CUL4A: variants seen among roughly 807,000 people sequenced by gnomAD.
CUL4A encodes cullin-4A.
In CUL4A, 16 loss-of-function variants were observed where a neutral mutation model predicts 95.5. The ratio of observed to expected loss-of-function variants is 0.17; its 90% CI spans 0.11 to 0.25. The LOEUF (loss-of-function observed/expected upper bound fraction) is 0.25. Among genes scored for constraint, CUL4A ranks in the 10% least tolerant of loss-of-function variants. The probability of loss-of-function intolerance (pLI) is 1.00; values close to 1 mark genes in which losing one functional copy is unlikely to be tolerated. For missense variants in CUL4A, 610 were observed against 937.0 expected, an observed-to-expected ratio of 0.65 and a Z score of 4.56; for synonymous variants, 380 against 353.1, an observed-to-expected ratio of 1.08 and a Z score of -0.85.
chr13:113,253,153 A>G lies in CUL4A; in HGVS notation c.1710A>G (p.Gln570=). 6.2e-7 allele frequency: 1 copy of G among 1,607,270 alleles called. No homozygotes were observed. The highest frequency in any genetic ancestry group is 8.5e-7 in the Non-Finnish European group (1 of 1,176,106). The change falls in exon 16 of 20, where the codon CAA becomes CAG. Residue 570 remains glutamine (Q), a synonymous_variant. Coordinates refer to ENST00000375440, the MANE Select transcript of CUL4A (RefSeq NM_001008895.4). ...GKHSGRKLQW[Q]TTLGHAVLKA... ...ACAGTGGTCGAAAACTTCAGTGGCA[A>G]ACTACTTTGGGACATGCTGTTTTAA...
chr13:113,215,756 CGCTGTGTG>C (rs2040650848), intron 2 of CUL4A, among the ~76,000 whole-genome samples: 1 of 89,766 alleles, frequency 1.1e-5, no homozygotes, highest in Admixed American at 1.4e-4. Context: ...CTGTAGAGGT[CGCTGTGTG>C]ACTATGGAGG....
At chr13:113,257,663 C>T (rs115619092) in intron 18 of CUL4A, among the ~76,000 whole-genome samples, 1,491 of 145,778 alleles carry the variant, frequency 0.01, 27 homozygotes, top group African/African-American at 0.035. Context: ...CCGGTCCCAT[C>T]TCCAACACTG....
At chr13:113,242,581 G>C (rs1274736179) in intron 10 of CUL4A, among the ~76,000 whole-genome samples, 1 of 152,108 alleles carries the variant, frequency 6.6e-6, no homozygotes, top group Non-Finnish European at 1.5e-5. Context: ...CTTGAGGCCA[G>C]GAGTTCGAGA....
At chr13:113,210,344 T>C (rs763995837) in intron 2 of CUL4A, among the ~76,000 whole-genome samples, 1 of 152,228 alleles carries the variant, frequency 6.6e-6, no homozygotes, top group Admixed American at 6.5e-5. Flanking sequence ...GGAGGTGTGT[T>C]TCTAGGAGCC....
At chr13:113,231,771 C>T (rs2041318306) in intron 5 of CUL4A, among the ~76,000 whole-genome samples, 2 of 152,180 alleles carry the variant, frequency 1.3e-5, no homozygotes, top group South Asian at 4.1e-4. Flanking sequence ...GCCACTGCAC[C>T]TTCCTGCTCC....
At chr13:113,247,586 G>T (rs1428594215) in intron 15 of CUL4A, among the ~76,000 whole-genome samples, 1 of 152,172 alleles carries the variant, frequency 6.6e-6, no homozygotes, top group African/African-American at 2.4e-5. Flanking sequence ...CCTGCCTTGG[G>T]GAAGAAGAGT....
chr13:113,228,069 A>C, intron 4 of CUL4A, 24 bp downstream of exon 4: 1 of 1,565,868 alleles, frequency 6.4e-7, no homozygotes, highest in Non-Finnish European at 8.8e-7. Context: ...CTTTTTCATC[A>C]AAACACGACC....
chr13:113,232,035 GCTGCCACCACTACCCGCCCACCACCATTA>G lies in CUL4A; in HGVS notation c.513-1138_513-1110del, dbSNP rs1566342745. Among the ~76,000 whole-genome samples the G allele has an allele frequency of 7.1e-5, 5 of 70,710 alleles. No individual in the cohort carries two copies. The East Asian group carries it at 1.9e-3, about 27-fold the overall frequency. 46.4% of individuals were successfully genotyped at this position (70,710 alleles called of 152,430 possible). ...TGCCACCACCACCACCACCATTACT[GCTGCCACCACTACCCGCCCACCACCATTA>G]CTGTCACCACTACCCGCCCACCACC... On this transcript the variant is annotated intron_variant, in intron 5 of 19. Coordinates refer to ENST00000375440, the MANE Select transcript of CUL4A (RefSeq NM_001008895.4).
chr13:113,229,327 T>C, intron 4 of CUL4A, 119 bp from the exon 5 acceptor site: 2 of 741,888 alleles, frequency 2.7e-6, no homozygotes. Flanking sequence ...ACATGAGGGC[T>C]GTGGTGGACA....
chr13:113,248,520 C>T (rs977455890), intron 15 of CUL4A, among the ~76,000 whole-genome samples: 6 of 151,930 alleles, frequency 3.9e-5, no homozygotes, highest in African/African-American at 1.5e-4. Flanking sequence ...TGAAGCTTAC[C>T]ATACTGTATT....
intron 3 of CUL4A, among the ~76,000 whole-genome samples, chr13:113,220,748 G>A (rs9549696): frequency 0.2 from 30,171 of 152,144 alleles, 3,783 homozygotes; most frequent in South Asian, 0.43. Flanking sequence ...TGTGCCATCA[G>A]TTCACTCACT....
At chr13:113,257,125 A>G (rs765382777) in intron 18 of CUL4A, among the ~76,000 whole-genome samples, 56 of 151,990 alleles carry the variant, frequency 3.7e-4, no homozygotes, top group Non-Finnish European at 5.3e-4. Flanking sequence ...GGGTTTCACC[A>G]TGTTGGCCAG....
intron 18 of CUL4A, among the ~76,000 whole-genome samples, chr13:113,255,744 C>G (rs1262648740): frequency 6.6e-6 from 1 of 152,156 alleles, no homozygotes; most frequent in Non-Finnish European, 1.5e-5. Context: ...GGTAACTCTG[C>G]TTTTTGCACT....
intron 5 of CUL4A, chr13:113,229,815 A>T: frequency 2.1e-6 from 1 of 476,884 alleles, no homozygotes; most frequent in South Asian, 4.6e-5. Flanking sequence ...TTGAGCCTGG[A>T]GCGGCTCTTT....
chr13:113,234,672 T>C (rs192196353), intron 7 of CUL4A, among the ~76,000 whole-genome samples: 46 of 152,318 alleles, frequency 3.0e-4, no homozygotes, highest in Admixed American at 1.1e-3. Context: ...ACAACCACCT[T>C]GTTGACTTGC....
intron 14 of CUL4A, 106 bp from the exon 15 acceptor site, chr13:113,245,840 GATAAATTCTA>G: frequency 1.2e-6 from 1 of 802,338 alleles, no homozygotes. Flanking sequence ...TGGGGACTGA[GATAAATTCTA>G]ACACAGATGA....
intron 5 of CUL4A, chr13:113,229,930 T>A: frequency 2.4e-6 from 1 of 425,008 alleles, no homozygotes; most frequent in Non-Finnish European, 4.1e-6. Context: ...CCTCCCGGCC[T>A]CCTGAGCACA....
intron 18 of CUL4A, among the ~76,000 whole-genome samples, chr13:113,256,259 T>C (rs1449767275): frequency 2.0e-5 from 3 of 152,150 alleles, no homozygotes; most frequent in Non-Finnish European, 4.4e-5. Context: ...TGGCCAGGAC[T>C]TGTTGCAGGA....
intron 1 of CUL4A, 56 bp downstream of exon 1, chr13:113,209,831 C>T (rs1472768010): frequency 8.6e-7 from 1 of 1,158,030 alleles, no homozygotes; most frequent in African/African-American, 1.6e-5. Context: ...CCCCACGAGA[C>T]CCCGCCCGAC....
Sources: gnomAD v4.1 joint callset for allele counts (sites outside exome capture counted in the v4.1 genomes callset) on GRCh38, gnomAD v4.1.1 for gene constraint, MANE v1.5 for transcripts, NCBI Gene and HGNC (gene_info 2026-07-23, HGNC 2026-07-21) for gene names.